The following KIF26B variants were observed in gnomAD, a reference collection of about 807,000 sequenced individuals.
KIF26B encodes kinesin-like protein KIF26B.
In KIF26B, 63 loss-of-function variants were observed where a neutral mutation model predicts 151.2. That is an observed-to-expected ratio of 0.42 (90% CI 0.34 to 0.51). The LOEUF (loss-of-function observed/expected upper bound fraction) is 0.51, where lower values mean the gene tolerates loss of function less well. Ranked by LOEUF, KIF26B falls within the 20% of genes least tolerant of loss-of-function variation. The pLI is 0.07. For synonymous variants in KIF26B, 1,357 were observed against 1,262.1 expected (o/e 1.08, Z -1.59); for missense variants, 2,813 against 2,913.6 (o/e 0.97, Z 0.79).
chr1:245,158,947 C>G (rs960226556), intron 2 of KIF26B, among the ~76,000 whole-genome samples: 2 of 151,968 alleles, frequency 1.3e-5, no homozygotes, highest in African/African-American at 4.8e-5. Context: ...ACCTTATAGC[C>G]AAACAGTTGC....
intron 5 of KIF26B, among the ~76,000 whole-genome samples, chr1:245,580,595 G>A (rs903614128): frequency 3.9e-5 from 6 of 152,212 alleles, no homozygotes; most frequent in Non-Finnish European, 7.3e-5. Flanking sequence ...TCCCTCCAGA[G>A]GGCAAGGGGG....
In KIF26B at chr1:245,459,884, C is replaced by T. The variant is rs563937343; in HGVS notation, c.1166+40139C>T. 8.7e-5 allele frequency among the ~76,000 whole-genome samples: 13 copies of T among 149,576 alleles called. No individual in the cohort carries two copies. In the South Asian group the frequency reaches 2.8e-3, roughly 32 times the overall value. Reference sequence around the variant, plus strand: ...TGAAAAATCATGATTCAAGATCTCTCCTCCTCATAAACCTTTTTTTTTTTT... The same window carrying T: ...TGAAAAATCATGATTCAAGATCTCTTCTCCTCATAAACCTTTTTTTTTTTT... On this transcript the variant is annotated intron_variant, in intron 4 of 14. Coordinates refer to ENST00000407071, the MANE Select transcript of KIF26B (RefSeq NM_018012.4).
intron 2 of KIF26B, among the ~76,000 whole-genome samples, chr1:245,184,052 T>TTTTTGTTTTTTTTTTTTTTTTTG (rs1553332276): frequency 9.3e-6 from 1 of 107,726 alleles, no homozygotes; most frequent in African/African-American, 3.5e-5. Flanking sequence ...GAGTTGTTGT[T>TTTTTGTTTTTTTTTTTTTTTTTG]TTTTTTTTTT....
chr1:245,550,647 T>C (rs909429385), intron 5 of KIF26B, among the ~76,000 whole-genome samples: 1 of 152,226 alleles, frequency 6.6e-6, no homozygotes, highest in Non-Finnish European at 1.5e-5. Context: ...CAGTCAGTAT[T>C]GGTGGAGGAG....
chr1:245,487,123 G>T (rs925891628), intron 4 of KIF26B, among the ~76,000 whole-genome samples: 17 of 152,062 alleles, frequency 1.1e-4, no homozygotes, highest in African/African-American at 3.9e-4. Flanking sequence ...AGAGTCCCTT[G>T]AAGTGTTTTG....
In KIF26B at chr1:245,702,693, CA is replaced by C; in HGVS notation, c.*90del. Reference sequence around the variant, plus strand: ...CCCTAGGCCCTCTGTGCTGGGGCATCAAAGACAATGAATGAGGATGAAGGTT... The same window carrying C: ...CCCTAGGCCCTCTGTGCTGGGGCATCAAGACAATGAATGAGGATGAAGGTT... On this transcript the variant is annotated 3_prime_UTR_variant, in exon 15 of 15. Transcript: ENST00000407071. The surrounding 1 kb of genome is among the most constrained non-coding windows in gnomAD (Gnocchi z 4.1). 1 of 1,400,508 alleles carries C rather than the reference CA, an allele frequency of 7.1e-7. No homozygotes were observed. The highest frequency in any genetic ancestry group is 1.5e-5 in the South Asian group (1 of 67,496). The allele number at this position is 1,400,508 out of a possible 1,614,324, so 86.8% of individuals were successfully genotyped here.
rs536099966 is a variant in KIF26B, at chr1:245,205,228, G to C, written c.465+48545G>C. Reference sequence around the variant, plus strand: ...ATCCACTGGCTTTTGTGCATACCAGGGTATGACATCGTGTTAAAAAGACCG... The same window carrying C: ...ATCCACTGGCTTTTGTGCATACCAGCGTATGACATCGTGTTAAAAAGACCG... On this transcript the variant is annotated intron_variant, in intron 2 of 14. Coordinates refer to ENST00000407071, the MANE Select transcript of KIF26B (RefSeq NM_018012.4). Among the ~76,000 whole-genome samples, 103 of 152,162 alleles carry C rather than the reference G, an allele frequency of 6.8e-4. 2 individuals are homozygous for C. The highest frequency in any genetic ancestry group is 1.2e-3 in the South Asian group (6 of 4,810).
intron 10 of KIF26B, among the ~76,000 whole-genome samples, chr1:245,679,455 GTGTT>G (rs2044400680): frequency 1.6e-5 from 1 of 61,186 alleles, no homozygotes; most frequent in African/African-American, 5.2e-5. Context: ...TTTTTTGTGT[GTGTT>G]TTTTTTTTTT....
At chr1:245,460,789 G>A (rs1192761107) in intron 4 of KIF26B, among the ~76,000 whole-genome samples, 2 of 152,188 alleles carry the variant, frequency 1.3e-5, no homozygotes, top group African/African-American at 4.8e-5. Context: ...GTGCTTACAC[G>A]CAGCTCAAAA....
rs1413655488 is a variant in KIF26B at position 245,451,189 on chromosome 1, G to A, written c.1166+31444G>A. ...TAACTTTTAGAATTTGGAATTTAATGCTTTTTAAAATTTTTATCAATATAA... is the reference window on the plus strand; with the variant it reads ...TAACTTTTAGAATTTGGAATTTAATACTTTTTAAAATTTTTATCAATATAA... On this transcript the variant is annotated intron_variant, in intron 4 of 14. Coordinates refer to ENST00000407071, the MANE Select transcript of KIF26B (RefSeq NM_018012.4). Among the ~76,000 whole-genome samples the A allele has an allele frequency of 2.0e-5, 3 of 151,782 alleles. 1 individual carries two copies. The highest frequency in any genetic ancestry group is 4.4e-5 in the Non-Finnish European group (3 of 67,954).
chr1:245,219,363 C>T (rs1204316183), intron 2 of KIF26B, among the ~76,000 whole-genome samples: 1 of 151,838 alleles, frequency 6.6e-6, no homozygotes, highest in Admixed American at 6.5e-5. Context: ...TTGTGATCTG[C>T]CTGCCCCGGC....
chr1:245,225,626 C>T (rs1293674492), intron 2 of KIF26B, among the ~76,000 whole-genome samples: 4 of 152,188 alleles, frequency 2.6e-5, no homozygotes, highest in Non-Finnish European at 5.9e-5. Context: ...GGGGTTCTTC[C>T]CTCGTCTTCC....
At chr1:245,492,570 G>A (rs1365755637) in intron 4 of KIF26B, among the ~76,000 whole-genome samples, 6 of 152,180 alleles carry the variant, frequency 3.9e-5, no homozygotes, top group East Asian at 1.9e-4. Flanking sequence ...AAGGCGGCAC[G>A]CCAGACTAAA....
At chr1:245,225,649 G>T (rs1669859332) in intron 2 of KIF26B, among the ~76,000 whole-genome samples, 1 of 152,196 alleles carries the variant, frequency 6.6e-6, no homozygotes, top group Non-Finnish European at 1.5e-5. Context: ...GTCCTGTGCA[G>T]GTGGCTGGAG....
chr1:245,348,856 G>A lies in KIF26B; in HGVS notation c.466-17978G>A, dbSNP rs111988173. On this transcript the variant is annotated intron_variant, in intron 2 of 14. Transcript: ENST00000407071. ...GTCTGCCTGCTCCCCTGCCTGGGTC[G>A]CTTCCCCACGATGCCTGCTGTGGCT... is the stretch of plus-strand genomic sequence containing the variant. Among the ~76,000 whole-genome samples, 742 of 152,232 alleles carry A rather than the reference G, an allele frequency of 4.9e-3. 3 individuals carry two copies. The highest frequency in any genetic ancestry group is 6.4e-3 in the Non-Finnish European group (432 of 68,026).
At chr1:245,336,742 G>A (rs866624730) in intron 2 of KIF26B, among the ~76,000 whole-genome samples, 6 of 152,256 alleles carry the variant, frequency 3.9e-5, no homozygotes, top group African/African-American at 1.2e-4. Context: ...GATACCCTAT[G>A]AATTCTTACC....
intron 4 of KIF26B, among the ~76,000 whole-genome samples, chr1:245,471,115 ATGTGTGTG>A (rs1553277413): frequency 2.8e-5 from 4 of 142,552 alleles, no homozygotes; most frequent in African/African-American, 1.0e-4. Context: ...TTTTGATAGT[ATGTGTGTG>A]TGTGTGTGTA....
At chr1:245,504,286 C>T (rs905290703) in intron 4 of KIF26B, among the ~76,000 whole-genome samples, 1 of 152,014 alleles carries the variant, frequency 6.6e-6, no homozygotes, top group Admixed American at 6.6e-5. Context: ...ACACTTTCCT[C>T]TCTCCTTCTT....
chr1:245,239,947 G>A lies in KIF26B; in HGVS notation c.465+83264G>A, dbSNP rs1290374648. ...TCCCAGCCCTTTGGGAGGCCGAGGC[G>A]GGCGGATCACTTGAGGTCAGGAGTT... On this transcript the variant is annotated intron_variant, in intron 2 of 14. Transcript: ENST00000407071. The surrounding 1 kb of genome is among the most constrained non-coding windows in gnomAD (Gnocchi z 4.3). Among the ~76,000 whole-genome samples the A allele has an allele frequency of 6.6e-5, 10 of 152,184 alleles. No individual in the cohort carries two copies. The East Asian group carries it at 7.7e-4, about 12-fold the overall frequency.
Sources: allele counts gnomAD v4.1 joint callset (sites outside exome capture counted in the v4.1 genomes callset), GRCh38; gene constraint gnomAD v4.1.1; non-coding constraint Gnocchi (gnomAD v3.1); transcripts MANE v1.5; gene names NCBI Gene and HGNC (gene_info 2026-07-23, HGNC 2026-07-21).